RAB38: variants seen among roughly 807,000 people sequenced by gnomAD.
RAB38 encodes ras-related protein Rab-38.
RAB38 carries 15 observed loss-of-function variants against 18.4 expected under a neutral mutation model. The ratio of observed to expected loss-of-function variants is 0.82; its 90% CI spans 0.55 to 1.26. The LOEUF (loss-of-function observed/expected upper bound fraction) is 1.26. Ranked by LOEUF, RAB38 falls within the 50% of genes most tolerant of loss-of-function variation. RAB38 has a pLI of 0.00. For synonymous variants in RAB38, 101 were observed against 104.4 expected (o/e 0.97, Z 0.20); for missense variants, 294 against 267.4 (o/e 1.10, Z -0.69).
the RAB38 span, among the ~76,000 whole-genome samples, chr11:87,821,441 A>G: frequency 6.6e-6 from 1 of 152,226 alleles, no homozygotes; most frequent in Non-Finnish European, 1.5e-5. Flanking sequence ...GACTCTCTAT[A>G]AAAAAATTCT....
At chr11:88,044,942 T>C in the RAB38 span, among the ~76,000 whole-genome samples, 1 of 152,164 alleles carries the variant, frequency 6.6e-6, no homozygotes, top group African/African-American at 2.4e-5. Context: ...AGTTTCATTC[T>C]GCGACTAGCC....
intron 1 of RAB38, chr11:88,166,346 T>C (rs1373768524): frequency 1.3e-5 from 2 of 152,144 alleles, no homozygotes; most frequent in African/African-American, 4.8e-5. Flanking sequence ...TGATCATCAT[T>C]ATAACTCAAT....
chr11:87,834,877 C>A, the RAB38 span, among the ~76,000 whole-genome samples: 1 of 152,052 alleles, frequency 6.6e-6, no homozygotes, highest in African/African-American at 2.4e-5. Flanking sequence ...GATAAATGCC[C>A]AATAAATGTT....
At chr11:87,950,925 G>A in the RAB38 span, among the ~76,000 whole-genome samples, 1 of 152,144 alleles carries the variant, frequency 6.6e-6, no homozygotes, top group Non-Finnish European at 1.5e-5. Context: ...GAATCTGAAT[G>A]TTGGCCTGCC....
At chr11:87,868,725 A>G in the RAB38 span, among the ~76,000 whole-genome samples, 2 of 151,662 alleles carry the variant, frequency 1.3e-5, no homozygotes, top group African/African-American at 4.8e-5. Flanking sequence ...AATAGATCCA[A>G]CTGAGGAAGG....
the RAB38 span, among the ~76,000 whole-genome samples, chr11:88,045,848 C>A: frequency 6.6e-6 from 1 of 152,166 alleles, no homozygotes; most frequent in East Asian, 1.9e-4. Context: ...GGCCAGGCTT[C>A]TAAACCTCTT....
At chr11:88,093,366 G>A in the RAB38 span, among the ~76,000 whole-genome samples, 45 of 151,978 alleles carry the variant, frequency 3.0e-4, no homozygotes, top group African/African-American at 8.9e-4. Context: ...CATTGGGAGG[G>A]TGGCAATTGG....
chr11:88,019,237 CTCTA>C, the RAB38 span, among the ~76,000 whole-genome samples: 1 of 152,112 alleles, frequency 6.6e-6, no homozygotes, highest in Non-Finnish European at 1.5e-5. Context: ...TCCCTAGTTT[CTCTA>C]TCTTTGTAAA....
the RAB38 span, among the ~76,000 whole-genome samples, chr11:87,919,179 T>A: frequency 1.3e-5 from 2 of 152,020 alleles, no homozygotes; most frequent in Non-Finnish European, 2.9e-5. Flanking sequence ...AATGTGTGGA[T>A]TTATTTCTCA....
chr11:87,969,175 A>G, the RAB38 span, among the ~76,000 whole-genome samples: 2 of 152,106 alleles, frequency 1.3e-5, no homozygotes, highest in African/African-American at 4.8e-5. Context: ...CATTAACAAT[A>G]AAAAATTATG....
the RAB38 span, among the ~76,000 whole-genome samples, chr11:88,047,309 C>A: frequency 6.6e-6 from 1 of 152,304 alleles, no homozygotes; most frequent in East Asian, 1.9e-4. Context: ...TCTGATCCAC[C>A]TGACATTCCC....
At chr11:87,889,018 A>T in the RAB38 span, among the ~76,000 whole-genome samples, 1 of 151,976 alleles carries the variant, frequency 6.6e-6, no homozygotes. Context: ...TCTAAAGGGA[A>T]AAACACACAG....
chr11:87,957,039 G>A, the RAB38 span, among the ~76,000 whole-genome samples: 1 of 151,630 alleles, frequency 6.6e-6, no homozygotes, highest in African/African-American at 2.4e-5. Flanking sequence ...ATAAAACATT[G>A]TTAAATCAAT....
the RAB38 span, among the ~76,000 whole-genome samples, chr11:88,103,669 AT>A: frequency 0.018 from 2,694 of 152,250 alleles, 43 homozygotes; most frequent in South Asian, 0.081. Flanking sequence ...GCTTACTCTA[AT>A]TAATACACTG....
At chr11:87,824,991 A>AGAGT in the RAB38 span, among the ~76,000 whole-genome samples, 1 of 151,764 alleles carries the variant, frequency 6.6e-6, no homozygotes, top group Admixed American at 6.6e-5. Context: ...AGAGAGAGAG[A>AGAGT]GAGTGAGTGT....
chr11:88,100,648 T>C, the RAB38 span, among the ~76,000 whole-genome samples: 1 of 152,116 alleles, frequency 6.6e-6, no homozygotes, highest in East Asian at 1.9e-4. Context: ...CTCAATAGCA[T>C]TTTGGAAAGT....
chr11:88,102,992 C>T, the RAB38 span, among the ~76,000 whole-genome samples: 1 of 151,800 alleles, frequency 6.6e-6, no homozygotes, highest in African/African-American at 2.4e-5. Context: ...TATATAATCC[C>T]ATCTGCCATG....
chr11:88,121,182 T>C (rs1353022895), intron 2 of RAB38, among the ~76,000 whole-genome samples: 1 of 152,212 alleles, frequency 6.6e-6, no homozygotes, highest in Non-Finnish European at 1.5e-5. Context: ...TTGACACCAC[T>C]ACATCCTAAC....
chr11:88,070,365 C>T, the RAB38 span, among the ~76,000 whole-genome samples: 1 of 152,186 alleles, frequency 6.6e-6, no homozygotes, highest in Non-Finnish European at 1.5e-5. Flanking sequence ...CACGTTTGAA[C>T]ATCAGAAGGA....
Sources: gnomAD v4.1 joint callset for allele counts (sites outside exome capture counted in the v4.1 genomes callset) on GRCh38, gnomAD v4.1.1 for gene constraint, MANE v1.5 for transcripts, NCBI Gene and HGNC (gene_info 2026-07-23, HGNC 2026-07-21) for gene names.